Variants in DNM3 observed in about 807,000 individuals in gnomAD.
DNM3 encodes dynamin 3, also known as dynamin-3.
In DNM3, 47 loss-of-function variants were observed where a neutral mutation model predicts 101.6. The ratio of observed to expected loss-of-function variants is 0.46; its 90% CI spans 0.37 to 0.59. The LOEUF (loss-of-function observed/expected upper bound fraction) is 0.59, where lower values mean the gene tolerates loss of function less well. DNM3 is among the 20% of genes least tolerant of loss of function. The probability of loss-of-function intolerance (pLI) is 0.00; values close to 1 mark genes in which losing one functional copy is unlikely to be tolerated. For synonymous variants in DNM3, 385 were observed against 387.9 expected (o/e 0.99, Z 0.09); for missense variants, 849 against 1,085.7 (o/e 0.78, Z 3.06).
chr1:172,085,106 T>C (rs1558544302), intron 12 of DNM3, among the ~76,000 whole-genome samples: 1 of 152,092 alleles, frequency 6.6e-6, no homozygotes, highest in Non-Finnish European at 1.5e-5. Flanking sequence ...TAAGCACTGC[T>C]CTAGGCTTGC....
chr1:172,242,190 A>C (rs2061774709), intron 14 of DNM3, among the ~76,000 whole-genome samples: 1 of 152,188 alleles, frequency 6.6e-6, no homozygotes. Context: ...TGGTAGGGAC[A>C]GGGAAGCCCA....
intron 20 of DNM3, chr1:172,394,084 T>C (rs1214901897): frequency 6.6e-6 from 1 of 152,256 alleles, no homozygotes; most frequent in Admixed American, 6.5e-5. Flanking sequence ...ATTCTGGCTA[T>C]AACACAATTA....
intron 1 of DNM3, among the ~76,000 whole-genome samples, chr1:171,857,447 T>C (rs2033728866): frequency 6.6e-6 from 1 of 152,126 alleles, no homozygotes; most frequent in African/African-American, 2.4e-5. Context: ...GTAAAATTCA[T>C]AGAAGTAAAT....
chr1:172,222,266 C>T (rs926421961), intron 14 of DNM3, among the ~76,000 whole-genome samples: 3 of 152,156 alleles, frequency 2.0e-5, no homozygotes, highest in Non-Finnish European at 2.9e-5. Flanking sequence ...AGAATGTACA[C>T]GATGGATATA....
intron 7 of DNM3, among the ~76,000 whole-genome samples, chr1:172,039,414 C>T (rs946412750): frequency 1.3e-5 from 2 of 151,876 alleles, no homozygotes; most frequent in South Asian, 2.1e-4. Context: ...ATATTAATTG[C>T]TTCATCCTAT....
At chr1:172,363,811 A>G (rs1431350689) in intron 17 of DNM3, among the ~76,000 whole-genome samples, 1 of 151,770 alleles carries the variant, frequency 6.6e-6, no homozygotes. Context: ...ATTTGTTACC[A>G]TGTCCTCCCC....
At chr1:172,069,906 C>T (rs918198708) in intron 11 of DNM3, among the ~76,000 whole-genome samples, 1 of 151,734 alleles carries the variant, frequency 6.6e-6, no homozygotes, top group Non-Finnish European at 1.5e-5. Flanking sequence ...AGGAAGAAGA[C>T]AAAATAAAAG....
intron 13 of DNM3, among the ~76,000 whole-genome samples, chr1:172,116,934 G>C (rs1357507520): frequency 6.6e-6 from 1 of 152,074 alleles, no homozygotes. Flanking sequence ...GGCCGGACGT[G>C]GTGGTTCCCG....
chr1:172,136,301 T>C (rs2057224319), intron 14 of DNM3, among the ~76,000 whole-genome samples: 1 of 152,216 alleles, frequency 6.6e-6, no homozygotes, highest in African/African-American at 2.4e-5. Flanking sequence ...ATGACAGTTA[T>C]ATCCCTGGAT....
chr1:172,384,317 C>T (rs1017591941), intron 18 of DNM3, among the ~76,000 whole-genome samples: 3 of 152,112 alleles, frequency 2.0e-5, no homozygotes, highest in Non-Finnish European at 2.9e-5. Context: ...TCTCCTGTCT[C>T]GATGTACCTA....
At chr1:172,197,738 G>C (rs1372222919) in intron 14 of DNM3, among the ~76,000 whole-genome samples, 2 of 152,082 alleles carry the variant, frequency 1.3e-5, no homozygotes, top group African/African-American at 4.8e-5. Context: ...AGAAATGCTA[G>C]TGATTTTTGT....
intron 13 of DNM3, among the ~76,000 whole-genome samples, chr1:172,107,824 T>C (rs2055172007): frequency 6.6e-6 from 1 of 152,246 alleles, no homozygotes; most frequent in Non-Finnish European, 1.5e-5. Context: ...TTTCAGTTTC[T>C]GTCCCCAAAG....
intron 4 of DNM3, among the ~76,000 whole-genome samples, chr1:172,032,027 T>C (rs953841890): frequency 6.6e-5 from 10 of 152,224 alleles, no homozygotes; most frequent in African/African-American, 2.4e-4. Context: ...GTTTATTTGC[T>C]TTTAATAATG....
chr1:172,242,810 C>T (rs1218747108), intron 14 of DNM3, among the ~76,000 whole-genome samples: 2 of 152,142 alleles, frequency 1.3e-5, no homozygotes, highest in Admixed American at 6.6e-5. Flanking sequence ...ACCATACCCA[C>T]GCATGTGGGT....
chr1:172,102,566 A>G (rs1352834846), intron 13 of DNM3, among the ~76,000 whole-genome samples: 1 of 152,194 alleles, frequency 6.6e-6, no homozygotes, highest in Non-Finnish European at 1.5e-5. Flanking sequence ...AAACCAGTGA[A>G]GAGATTATCT....
chr1:172,376,691 T>C (rs2068621210), intron 17 of DNM3: 1 of 152,108 alleles, frequency 6.6e-6, no homozygotes, highest in Non-Finnish European at 1.5e-5. Flanking sequence ...CTCCCCATCA[T>C]GTCCACTGTA....
chr1:172,317,446 A>G (rs1008006697), intron 16 of DNM3, among the ~76,000 whole-genome samples: 2 of 152,242 alleles, frequency 1.3e-5, no homozygotes, highest in Admixed American at 1.3e-4. Context: ...TAATGAATCC[A>G]GAACCTGGTT....
intron 14 of DNM3, among the ~76,000 whole-genome samples, chr1:172,198,749 A>G (rs2060045293): frequency 6.6e-6 from 1 of 151,910 alleles, no homozygotes; most frequent in Admixed American, 6.6e-5. Flanking sequence ...CTGTGGGTTA[A>G]GTAGTAACAT....
chr1:172,082,062 A>T (rs931175928), intron 12 of DNM3, among the ~76,000 whole-genome samples, 160 bp downstream of exon 12: 1 of 152,234 alleles, frequency 6.6e-6, no homozygotes, highest in African/African-American at 2.4e-5. Context: ...CCATGGTCGT[A>T]GGGCAGGGAT....
Sources: allele counts gnomAD v4.1 joint callset (sites outside exome capture counted in the v4.1 genomes callset), GRCh38; gene constraint gnomAD v4.1.1; transcripts MANE v1.5; gene names NCBI Gene and HGNC (gene_info 2026-07-23, HGNC 2026-07-21).